Variants in KCTD16 observed in about 807,000 individuals in gnomAD.
The protein encoded by KCTD16 is BTB/POZ domain-containing protein KCTD16.
In KCTD16, 13 loss-of-function variants were observed where a neutral mutation model predicts 33.2. The ratio of observed to expected loss-of-function variants is 0.39; its 90% CI spans 0.25 to 0.62. The LOEUF (loss-of-function observed/expected upper bound fraction) is 0.62. Ranked by LOEUF, KCTD16 falls within the 20% of genes least tolerant of loss-of-function variation. The probability of loss-of-function intolerance (pLI) is 0.50; values close to 1 mark genes in which losing one functional copy is unlikely to be tolerated. For missense variants in KCTD16, 441 were observed against 525.1 expected (o/e 0.84, Z 1.57); for synonymous variants, 197 against 195.3 (o/e 1.01, Z -0.07).
At chr5:144,232,870 TG>T (rs1398700857) in intron 3 of KCTD16, among the ~76,000 whole-genome samples, 4 of 152,138 alleles carry the variant, frequency 2.6e-5, no homozygotes, top group African/African-American at 9.7e-5. Context: ...CTAAATAAAA[TG>T]AAAAAATGGA....
chr5:144,256,623 T>G (rs1044451949), intron 3 of KCTD16, among the ~76,000 whole-genome samples: 33 of 151,890 alleles, frequency 2.2e-4, no homozygotes, highest in Non-Finnish European at 3.7e-4. Flanking sequence ...TTTTGTTTTT[T>G]TTTTTTTAAT....
intron 3 of KCTD16, among the ~76,000 whole-genome samples, chr5:144,313,944 A>G (rs1580865715): frequency 6.6e-6 from 1 of 152,188 alleles, no homozygotes; most frequent in African/African-American, 2.4e-5. Flanking sequence ...TGATGAATAT[A>G]CCAGTATTAT....
intron 3 of KCTD16, among the ~76,000 whole-genome samples, chr5:144,345,313 G>T (rs529464380): frequency 6.6e-6 from 1 of 151,734 alleles, no homozygotes; most frequent in South Asian, 2.1e-4. Context: ...ATGTAACTAA[G>T]CTGCACATTG....
chr5:144,299,132 ATATATATATATATATATTTTT>A lies in KCTD16; in HGVS notation c.832+91588_832+91608del, dbSNP rs1444301417. Among the ~76,000 whole-genome samples, 17 of 28,650 alleles carry A rather than the reference ATATATATATATATATATTTTT, an allele frequency of 5.9e-4. No individual in the cohort carries two copies. The African/African-American group carries it at 6.0e-3, about 10-fold the overall frequency. The allele number at this position is 28,650 out of a possible 152,430, so 18.8% of individuals were successfully genotyped here. ...TATATATATATATATATATATATAT[ATATATATATATATATATTTTT>A]TTTTTTTTTTTTAACCTGTCACTGA... On this transcript the variant is annotated intron_variant, in intron 3 of 3. Transcript: ENST00000512467.
intron 3 of KCTD16, among the ~76,000 whole-genome samples, chr5:144,354,640 C>T (rs150879985): frequency 1.2e-4 from 18 of 152,218 alleles, no homozygotes; most frequent in African/African-American, 3.1e-4. Flanking sequence ...CTAAACATTC[C>T]GACTGCAAAA....
rs564267529 is a variant in KCTD16, at chr5:144,444,515, C to T, written c.833-29145C>T. Among the ~76,000 whole-genome samples, 6 of 152,054 alleles carry T rather than the reference C, an allele frequency of 3.9e-5. No individual in the cohort carries two copies. The South Asian group carries it at 6.2e-4, about 16-fold the overall frequency. ...ATGTTAAAGATGCATAGTTTTTGTA[C>T]GTCAGTCATGCCTCAATAATGTTTT... is the stretch of plus-strand genomic sequence containing the variant. On this transcript the variant is annotated intron_variant, in intron 3 of 3. Transcript: ENST00000512467.
At chr5:144,235,014 CAATA>C (rs1754210633) in intron 3 of KCTD16, among the ~76,000 whole-genome samples, 1 of 151,970 alleles carries the variant, frequency 6.6e-6, no homozygotes, top group Admixed American at 6.6e-5. Context: ...ATCCAATAAG[CAATA>C]AATAAATAAT....
At position 144,207,368 on chromosome 5, in the gene KCTD16, C is replaced by T. The variant is rs1476305222; in HGVS notation, c.654C>T (p.Ala218=). ...ATGAAAGCAGAGACCCTGATCGAGCCCCAGAAAGATACACCTCCAGATTTT... is the reference window on the plus strand; with the variant it reads ...ATGAAAGCAGAGACCCTGATCGAGCTCCAGAAAGATACACCTCCAGATTTT... The part of the protein sequence containing the change: ...TLNESRDPDR[A]PERYTSRFYL... Residue 218 remains alanine (A), a synonymous_variant, in exon 3 of 4, where the codon GCC becomes GCT. Transcript: ENST00000512467. 6.2e-7 allele frequency: 1 copy of T among 1,614,138 alleles called. No individual in the cohort carries two copies. Among genetic ancestry groups the T allele is most frequent in the Non-Finnish European group, 8.5e-7 (1 of 1,180,032 alleles).
chr5:144,287,729 C>T (rs531629255), intron 3 of KCTD16, among the ~76,000 whole-genome samples: 3 of 151,994 alleles, frequency 2.0e-5, no homozygotes, highest in Admixed American at 6.6e-5. Context: ...CTCCGTCTCC[C>T]GGGTTCAAGT....
intron 3 of KCTD16, among the ~76,000 whole-genome samples, chr5:144,441,919 C>T (rs1303564233): frequency 6.7e-6 from 1 of 150,246 alleles, no homozygotes; most frequent in Non-Finnish European, 1.5e-5. Context: ...GATTGACTTG[C>T]AGAATACTGT....
At chr5:144,299,087 TA>T (rs1756137467) in intron 3 of KCTD16, among the ~76,000 whole-genome samples, 1 of 62,344 alleles carries the variant, frequency 1.6e-5, no homozygotes, top group Non-Finnish European at 2.8e-5. Flanking sequence ...TGTATATATA[TA>T]TCACTATGTA....
At chr5:144,472,531 A>G (rs924126576) in intron 3 of KCTD16, among the ~76,000 whole-genome samples, 5 of 152,222 alleles carry the variant, frequency 3.3e-5, no homozygotes, top group Non-Finnish European at 7.3e-5. Flanking sequence ...CACAGAATAT[A>G]GTTTATCATA....
At chr5:144,258,644 G>A (rs1438642455) in intron 3 of KCTD16, among the ~76,000 whole-genome samples, 1 of 152,138 alleles carries the variant, frequency 6.6e-6, no homozygotes, top group Non-Finnish European at 1.5e-5. Context: ...AAGTCATTGG[G>A]TTCTTCATTC....
At chr5:144,406,068 G>A (rs1187670870) in intron 3 of KCTD16, among the ~76,000 whole-genome samples, 1 of 152,172 alleles carries the variant, frequency 6.6e-6, no homozygotes, top group East Asian at 1.9e-4. Flanking sequence ...ACCCTGTAAA[G>A]AAGGCTATTT....
At chr5:144,263,232 T>A (rs1755058551) in intron 3 of KCTD16, among the ~76,000 whole-genome samples, 1 of 152,190 alleles carries the variant, frequency 6.6e-6, no homozygotes, top group African/African-American at 2.4e-5. Context: ...CAGCAATAGT[T>A]CCCACAGCAT....
At chr5:144,405,049 G>A (rs1305678684) in intron 3 of KCTD16, among the ~76,000 whole-genome samples, 2 of 152,126 alleles carry the variant, frequency 1.3e-5, no homozygotes, top group African/African-American at 4.8e-5. Context: ...AGGATAACAG[G>A]TACTTTCTTA....
chr5:144,232,246 T>A (rs574491131), intron 3 of KCTD16, among the ~76,000 whole-genome samples: 125 of 152,356 alleles, frequency 8.2e-4, no homozygotes, highest in Non-Finnish European at 1.5e-3. Context: ...TTGTAAATCA[T>A]AAATATGATC....
At chr5:144,227,709 G>A (rs1490559699) in intron 3 of KCTD16, among the ~76,000 whole-genome samples, 1 of 152,212 alleles carries the variant, frequency 6.6e-6, no homozygotes, top group Non-Finnish European at 1.5e-5. Context: ...ACAACTATCG[G>A]AATAATCCAG....
intron 3 of KCTD16, among the ~76,000 whole-genome samples, chr5:144,331,914 G>T (rs1312289462): frequency 2.0e-5 from 3 of 152,262 alleles, no homozygotes; most frequent in East Asian, 1.9e-4. Context: ...GCTATTTAGG[G>T]TTAAATAATA....
Sources: gnomAD v4.1 joint callset for allele counts (sites outside exome capture counted in the v4.1 genomes callset) on GRCh38, gnomAD v4.1.1 for gene constraint, MANE v1.5 for transcripts, NCBI Gene and HGNC (gene_info 2026-07-23, HGNC 2026-07-21) for gene names.